GPR89B: variants seen among roughly 807,000 people sequenced by gnomAD.
GPR89B encodes the protein golgi pH regulator B.
A neutral mutation model predicts 52.4 loss-of-function variants in GPR89B; 25 were observed. The ratio of observed to expected loss-of-function variants is 0.48; its 90% CI spans 0.35 to 0.67. The LOEUF is 0.67. Among genes scored for constraint, GPR89B ranks in the 30% least tolerant of loss-of-function variants. The pLI is 0.01. For synonymous variants in GPR89B, 52 were observed against 151.2 expected, an observed-to-expected ratio of 0.34 and a Z score of 4.81; for missense variants, 146 against 450.2, an observed-to-expected ratio of 0.32 and a Z score of 6.11.
At chr1:147,977,283 C>T (rs1657915017) in intron 10 of GPR89B, among the ~76,000 whole-genome samples, 1 of 149,866 alleles carries the variant, frequency 6.7e-6, no homozygotes, top group Non-Finnish European at 1.5e-5. Context: ...AATATTGACT[C>T]CCAATTGCTT....
chr1:148,009,393 TAGCAG>T, the GPR89B span: 2 of 1,612,016 alleles, frequency 1.2e-6, no homozygotes, highest in Non-Finnish European at 1.7e-6. Flanking sequence ...CTTCACGAGA[TAGCAG>T]AGCCGGGGCT....
At chr1:147,998,011 ATG>A (rs1659356661), downstream of GPR89B, among the ~76,000 whole-genome samples, 1 of 152,204 alleles carries the variant, frequency 6.6e-6, no homozygotes, top group Non-Finnish European at 1.5e-5. Flanking sequence ...CAGCCCATCC[ATG>A]TGAAGAAATG....
At chr1:147,998,601 C>A in the GPR89B span, among the ~76,000 whole-genome samples, 1 of 151,998 alleles carries the variant, frequency 6.6e-6, no homozygotes, top group Non-Finnish European at 1.5e-5. Context: ...AGATTTTGGC[C>A]GGGCTTGGTG....
the GPR89B span, among the ~76,000 whole-genome samples, chr1:148,020,549 C>A: frequency 6.6e-6 from 1 of 150,914 alleles, no homozygotes; most frequent in East Asian, 1.9e-4. Flanking sequence ...AATGCAGCGT[C>A]CTGTCTTTGT....
At chr1:147,998,763 C>T in the GPR89B span, among the ~76,000 whole-genome samples, 1,769 of 151,730 alleles carry the variant, frequency 0.012, 30 homozygotes, top group African/African-American at 0.041. Context: ...CACCTGTAGT[C>T]CCAGCTACTC....
At chr1:148,013,029 T>C in the GPR89B span, among the ~76,000 whole-genome samples, 4 of 152,092 alleles carry the variant, frequency 2.6e-5, no homozygotes, top group African/African-American at 9.7e-5. Context: ...ACAATACTGA[T>C]GATTCAGATG....
At chr1:148,017,766 A>AAATG in the GPR89B span, among the ~76,000 whole-genome samples, 4 of 150,752 alleles carry the variant, frequency 2.7e-5, no homozygotes, top group African/African-American at 9.8e-5. Context: ...AAAATAAAAT[A>AAATG]AAATAAAATA....
At chr1:148,019,508 G>T in the GPR89B span, among the ~76,000 whole-genome samples, 2 of 151,686 alleles carry the variant, frequency 1.3e-5, no homozygotes, top group Non-Finnish European at 2.9e-5. Flanking sequence ...GAAGATCTGT[G>T]CATCAAACCA....
At chr1:147,947,388 T>G (rs1655072348) in intron 5 of GPR89B, among the ~76,000 whole-genome samples, 2 of 124,384 alleles carry the variant, frequency 1.6e-5, no homozygotes, top group South Asian at 4.9e-4. Flanking sequence ...AAAAAAAAAA[T>G]CTGTAAAAGT....
intron 5 of GPR89B, among the ~76,000 whole-genome samples, chr1:147,946,340 G>A (rs1165224753): frequency 2.0e-5 from 3 of 152,024 alleles, no homozygotes; most frequent in Non-Finnish European, 4.4e-5. Flanking sequence ...TGTTTAATAC[G>A]TGTTCTTTGA....
At chr1:147,943,647 C>T (rs587635455) in intron 4 of GPR89B, 103 bp downstream of exon 4, 16 of 747,376 alleles carry the variant, frequency 2.1e-5, no homozygotes, top group South Asian at 6.7e-5. Flanking sequence ...CAGTATCTAC[C>T]GCTATTTGAG....
At chr1:148,006,812 G>A in the GPR89B span, among the ~76,000 whole-genome samples, 1 of 151,846 alleles carries the variant, frequency 6.6e-6, no homozygotes, top group East Asian at 1.9e-4. Context: ...TGCCTCCCCG[G>A]TTCAAGCGAT....
the GPR89B span, among the ~76,000 whole-genome samples, chr1:148,002,121 C>T: frequency 1.3e-5 from 2 of 148,660 alleles, no homozygotes; most frequent in African/African-American, 5.0e-5. Context: ...TCTCATAGAT[C>T]TCTCAACTGT....
chr1:147,938,320 C>A (rs1298450626), intron 2 of GPR89B, among the ~76,000 whole-genome samples: 1 of 151,618 alleles, frequency 6.6e-6, no homozygotes, highest in Non-Finnish European at 1.5e-5. Context: ...CTGCCCAATA[C>A]TTTAAGACCT....
intron 3 of GPR89B, among the ~76,000 whole-genome samples, chr1:147,941,498 C>G (rs1465493410): frequency 6.6e-6 from 1 of 151,534 alleles, no homozygotes; most frequent in African/African-American, 2.4e-5. Flanking sequence ...CTGAATGGCT[C>G]TTTGTTTCGT....
intron 10 of GPR89B, 120 bp downstream of exon 10, chr1:147,970,079 G>C: frequency 1.1e-6 from 1 of 884,050 alleles, no homozygotes; most frequent in Non-Finnish European, 1.7e-6. Flanking sequence ...CATCAACAGA[G>C]AGCATGATCT....
At chr1:148,000,122 G>T in the GPR89B span, among the ~76,000 whole-genome samples, 1 of 151,586 alleles carries the variant, frequency 6.6e-6, no homozygotes, top group African/African-American at 2.4e-5. Context: ...TTACTTTTAG[G>T]TTAGTATAGT....
At chr1:147,956,431 T>C (rs1656117665) in intron 7 of GPR89B, among the ~76,000 whole-genome samples, 1 of 152,246 alleles carries the variant, frequency 6.6e-6, no homozygotes, top group Non-Finnish European at 1.5e-5. Flanking sequence ...CTATGAAAAA[T>C]GACGTTGGAA....
chr1:148,000,399 A>G, the GPR89B span, among the ~76,000 whole-genome samples: 4 of 152,266 alleles, frequency 2.6e-5, no homozygotes, highest in Non-Finnish European at 5.9e-5. Context: ...AAAAAAAGCC[A>G]TTAATCTAAT....
Sources: gnomAD v4.1 joint callset for allele counts (sites outside exome capture counted in the v4.1 genomes callset) on GRCh38, gnomAD v4.1.1 for gene constraint, MANE v1.5 for transcripts, NCBI Gene and HGNC (gene_info 2026-07-23, HGNC 2026-07-21) for gene names.